Variants in CCDC102B observed in about 807,000 individuals in gnomAD.
CCDC102B encodes the protein coiled-coil domain containing 102B.
CCDC102B carries 75 observed loss-of-function variants against 57.4 expected under a neutral mutation model. The observed-to-expected ratio is 1.31, with a 90% confidence interval of 1.08 to 1.58. The LOEUF is 1.58. Ranked by LOEUF, CCDC102B falls within the 40% of genes most tolerant of loss-of-function variation. The pLI is 0.00. For synonymous variants in CCDC102B, 206 were observed against 201.9 expected (o/e 1.02, Z -0.17); for missense variants, 636 against 582.6 (o/e 1.09, Z -0.94).
chr18:68,765,316 GGAAGGAAGGAAAGAAA>G (rs773259969), intron 2 of CCDC102B, among the ~76,000 whole-genome samples: 183 of 36,516 alleles, frequency 5.0e-3, no homozygotes, highest in East Asian at 0.022. Flanking sequence ...AAGGAAGGAA[GGAAGGAAGGAAAGAAA>G]GAAAGAAAGA....
At chr18:69,004,751 T>TATC (rs1488371592) in intron 6 of CCDC102B, among the ~76,000 whole-genome samples, 1 of 152,222 alleles carries the variant, frequency 6.6e-6, no homozygotes, top group Non-Finnish European at 1.5e-5. Flanking sequence ...TTAGAGATCG[T>TATC]ATCTAACTAG....
intron 2 of CCDC102B, among the ~76,000 whole-genome samples, chr18:68,773,569 A>G (rs1368599957): frequency 6.6e-6 from 1 of 152,138 alleles, no homozygotes; most frequent in East Asian, 1.9e-4. Flanking sequence ...CTTAAATATG[A>G]TTGGTTTTGA....
intron 4 of CCDC102B, among the ~76,000 whole-genome samples, chr18:68,872,962 A>G (rs1378783831): frequency 4.6e-5 from 7 of 152,242 alleles, no homozygotes; most frequent in Admixed American, 2.6e-4. Context: ...AGTTCTGTTG[A>G]CAATGGAAGG....
In CCDC102B at chr18:69,037,038, C is replaced by T. The variant is rs981811978; in HGVS notation, c.1435-16992C>T. ...GTGGGGGTGTATATATACACACACA[C>T]ACACACACACACACATACATACATA... On this transcript the variant is annotated intron_variant, in intron 7 of 7. Coordinates refer to ENST00000360242, the MANE Select transcript of CCDC102B (RefSeq NM_024781.3). 2.6e-3 allele frequency among the ~76,000 whole-genome samples: 400 copies of T among 151,844 alleles called. 2 individuals carry two copies. Among genetic ancestry groups the T allele is most frequent in the African/African-American group, 9.3e-3 (384 of 41,418 alleles).
At chr18:68,858,382 A>G (rs1035406255) in intron 4 of CCDC102B, among the ~76,000 whole-genome samples, 10 of 151,950 alleles carry the variant, frequency 6.6e-5, no homozygotes, top group African/African-American at 9.7e-5. Context: ...TGATCTTCCT[A>G]TTTCTTATGC....
At position 68,838,925 on chromosome 18, in the gene CCDC102B, G is replaced by C; in HGVS notation, c.826G>C (p.Glu276Gln). The change falls in exon 3 of 8, where the codon GAA (glutamate) becomes CAA (glutamine). Residue 276 changes from glutamate (E) to glutamine (Q), a missense_variant and splice_region_variant. Transcript: ENST00000360242. ...EFQKILWKEREMRTALEKEIE... is the reference protein window; with the variant it reads ...EFQKILWKERQMRTALEKEIE... ...CCAAAAAATCTTATGGAAGGAAAGA[G>C]AGTAAGTGCTAATCATTGTCTCCCT... 1 of 1,611,616 alleles carries C rather than the reference G, an allele frequency of 6.2e-7. No homozygotes were observed. Among genetic ancestry groups the C allele is most frequent in the Non-Finnish European group, 8.5e-7 (1 of 1,178,080 alleles).
At chr18:68,946,649 A>T (rs1356632130) in intron 6 of CCDC102B, among the ~76,000 whole-genome samples, 1 of 152,068 alleles carries the variant, frequency 6.6e-6, no homozygotes, top group African/African-American at 2.4e-5. Flanking sequence ...CTGGTTATCC[A>T]AAGCATGATA....
At chr18:68,881,663 C>A (rs1338131224) in intron 5 of CCDC102B, among the ~76,000 whole-genome samples, 1 of 152,132 alleles carries the variant, frequency 6.6e-6, no homozygotes, top group Non-Finnish European at 1.5e-5. Flanking sequence ...GAACCTTGAT[C>A]TGCTCCAGCC....
At chr18:69,034,196 T>C (rs1278519389) in intron 7 of CCDC102B, among the ~76,000 whole-genome samples, 1 of 152,044 alleles carries the variant, frequency 6.6e-6, no homozygotes, top group Non-Finnish European at 1.5e-5. Flanking sequence ...TATTTGAAGC[T>C]TACAACTTTT....
chr18:68,833,383 GT>G (rs11290357), intron 1 of CCDC102B, among the ~76,000 whole-genome samples: 62,530 of 142,268 alleles, frequency 0.44, 13,627 homozygotes, highest in East Asian at 0.59. Flanking sequence ...TGCTTTTCCT[GT>G]TTTTTTTTTT....
chr18:69,017,984 G>A (rs1179108685), intron 7 of CCDC102B, among the ~76,000 whole-genome samples: 1 of 150,844 alleles, frequency 6.6e-6, no homozygotes, highest in Non-Finnish European at 1.5e-5. Context: ...TCTTTTTAAG[G>A]CTAAATATTT....
At chr18:68,734,136 C>T (rs1183297660) in intron 2 of CCDC102B, among the ~76,000 whole-genome samples, 2 of 152,160 alleles carry the variant, frequency 1.3e-5, no homozygotes, top group Non-Finnish European at 2.9e-5. Context: ...CTTAAAAAGT[C>T]AGAAAGCAGT....
intron 7 of CCDC102B, among the ~76,000 whole-genome samples, chr18:69,052,402 C>T (rs1395100369): frequency 6.6e-6 from 1 of 151,820 alleles, no homozygotes. Context: ...AATTTAGTAT[C>T]ATAACAAGTA....
intron 2 of CCDC102B, among the ~76,000 whole-genome samples, chr18:68,752,332 A>G (rs1047564779): frequency 6.6e-5 from 10 of 152,262 alleles, no homozygotes; most frequent in Middle Eastern, 3.4e-3. Flanking sequence ...ATCAGCAACA[A>G]TGGAAGCCAG....
intron 6 of CCDC102B, among the ~76,000 whole-genome samples, chr18:68,968,160 C>T (rs1044854760): frequency 1.3e-5 from 2 of 152,106 alleles, no homozygotes; most frequent in African/African-American, 4.8e-5. Context: ...AAACATCAGA[C>T]TGCACTTACA....
intron 6 of CCDC102B, among the ~76,000 whole-genome samples, chr18:68,928,906 A>G (rs1272299460): frequency 1.3e-5 from 2 of 151,792 alleles, no homozygotes; most frequent in African/African-American, 4.8e-5. Flanking sequence ...TCAATGCTAG[A>G]AGAAGCAATG....
intron 2 of CCDC102B, among the ~76,000 whole-genome samples, chr18:68,748,513 C>T (rs2033718449): frequency 1.3e-5 from 2 of 152,062 alleles, no homozygotes; most frequent in South Asian, 4.1e-4. Flanking sequence ...CTTTTCCCAA[C>T]GGAGTAATTT....
intron 4 of CCDC102B, among the ~76,000 whole-genome samples, chr18:68,862,794 T>A (rs2038818019): frequency 6.6e-6 from 1 of 152,048 alleles, no homozygotes; most frequent in African/African-American, 2.4e-5. Flanking sequence ...TTTTAAAAGG[T>A]TTTATTATGG....
At chr18:68,877,712 T>C (rs552246313) in intron 5 of CCDC102B, among the ~76,000 whole-genome samples, 1 of 152,342 alleles carries the variant, frequency 6.6e-6, no homozygotes, top group Admixed American at 6.5e-5. Flanking sequence ...ATCATTATCA[T>C]CAAACGTTTT....
Sources: gnomAD v4.1 joint callset for allele counts (sites outside exome capture counted in the v4.1 genomes callset) on GRCh38, gnomAD v4.1.1 for gene constraint, MANE v1.5 for transcripts, NCBI Gene and HGNC (gene_info 2026-07-23, HGNC 2026-07-21) for gene names.